The following AGRN variants were observed in gnomAD, a reference collection of about 807,000 sequenced individuals.
AGRN encodes the protein agrin proteoglycan.
Under a neutral mutation model 211.0 loss-of-function variants are expected in AGRN, and 106 were observed. The observed-to-expected ratio is 0.50, with a 90% CI of 0.43 to 0.59. The LOEUF (loss-of-function observed/expected upper bound fraction) is 0.59. AGRN is among the 20% of genes least tolerant of loss of function. AGRN has a pLI of 0.00. For missense variants in AGRN, 3,040 were observed against 2,982.6 expected, an observed-to-expected ratio of 1.02 and a Z score of -0.45; for synonymous variants, 1,525 against 1,332.5, an observed-to-expected ratio of 1.14 and a Z score of -3.15.
At position 1,049,048 on chromosome 1, in the gene AGRN, C is replaced by A. The variant is rs540390242; in HGVS notation, c.4287C>A (p.Arg1429=). ...DFLALALLDG[R]VQLRFDTGSG... ...TGGCATTGGCGCTGCTAGATGGCCG[C>A]GTGCAGCTCAGGTGGGCGGGGAGGG... Residue 1429 remains arginine (R), a synonymous_variant, in exon 24 of 36, where the codon CGC becomes CGA. Transcript: ENST00000379370. 4.5e-6 allele frequency: 7 copies of A among 1,544,348 alleles called. No individual in the cohort carries two copies. In the African/African-American group the frequency reaches 7.5e-5, roughly 16 times the overall value.
chr1:1,054,522 A>G lies in AGRN; in HGVS notation c.5951A>G (p.Gln1984Arg). Residue 1984 changes from glutamine (Q) to arginine (R), a missense_variant, in exon 35 of 36, where the codon CAG (glutamine) becomes CGG (arginine). Gln to Arg is a conservative substitution (Grantham distance 43, BLOSUM62 1). Transcript: ENST00000379370. ...VTGSSPLGAT[Q>R]LDTDGALWLG... ...GGCTCCTCCCCGCTGGGCGCCACGC[A>G]GCTGGACACTGATGGAGCCCTGTGG... 6.2e-7 allele frequency: 1 copy of G among 1,602,628 alleles called. No individual in the cohort carries two copies. The highest frequency in any genetic ancestry group is 8.5e-7 in the Non-Finnish European group (1 of 1,175,744).
chr1:1,051,055 C>T (rs1174653221), intron 30 of AGRN, 198 bp from the exon 31 acceptor site: 13 of 1,548,920 alleles, frequency 8.4e-6, no homozygotes, highest in South Asian at 2.4e-5. Flanking sequence ...TACTGTCGGC[C>T]TCTCATCCGC....
At position 1,051,574 on chromosome 1, in the gene AGRN, C is replaced by T. The variant is rs778694406; in HGVS notation, c.5492C>T (p.Ser1831Phe). ...GGCCACCCCTGCCTCAATGGGGCCT[C>T]CTGCGTCCCGAGGGAGGCTGCCTAT... The part of the protein sequence containing the change: ...ASGHPCLNGA[S>F]CVPREAAYVC... Residue 1831 changes from serine (S) to phenylalanine (F), a missense_variant, in exon 32 of 36, where the codon TCC becomes TTC. Physicochemically the swap from Ser to Phe is radical, Grantham distance 155 (BLOSUM62 -2). Transcript: ENST00000379370. The T allele has an allele frequency of 3.1e-6, 5 of 1,595,676 alleles. No individual in the cohort carries two copies. The African/African-American group carries it at 4.0e-5, about 13-fold the overall frequency.
At chr1:1,040,529 C>T (rs1035368254) in intron 3 of AGRN, 136 bp from the exon 4 acceptor site, 1 of 1,067,728 alleles carries the variant, frequency 9.4e-7, no homozygotes, top group Non-Finnish European at 1.4e-6. Flanking sequence ...CACGCGTGTC[C>T]GTGTCCGTGG....
intron 19 of AGRN, 104 bp from the exon 20 acceptor site, chr1:1,047,223 C>A: frequency 6.6e-7 from 1 of 1,508,116 alleles, no homozygotes; most frequent in Non-Finnish European, 8.9e-7. Flanking sequence ...TGACTAACAT[C>A]CACCTTCCCT....
At chr1:1,044,475 G>T (rs760920802) in intron 12 of AGRN, 36 bp downstream of exon 12, 2 of 1,572,836 alleles carry the variant, frequency 1.3e-6, no homozygotes, top group Middle Eastern at 1.8e-4. Flanking sequence ...AGGCACAGGC[G>T]GGGCGGCGTC....
intron 3 of AGRN, among the ~76,000 whole-genome samples, chr1:1,036,404 C>T (rs926895736): frequency 3.9e-5 from 6 of 152,070 alleles, no homozygotes; most frequent in African/African-American, 9.7e-5. Flanking sequence ...ACCTGGGAAC[C>T]GGAGCTGGAT....
In AGRN at chr1:1,047,790, G is replaced by A. The variant is rs1476088193; in HGVS notation, c.3646G>A (p.Ala1216Thr). The A allele has an allele frequency of 5.0e-6, 8 of 1,606,070 alleles. No homozygotes were observed. Among genetic ancestry groups the A allele is most frequent in the Non-Finnish European group, 5.1e-6 (6 of 1,176,910 alleles). ...VHFDPTTAFR[A>T]PDVARALLRQ... is the part of the protein sequence containing the mutation. The stretch of plus-strand genomic sequence containing the variant: ...CTCCTCCCCAGCCACAGCCTTCAGG[G>A]CACCCGACGTGGCCCGGGCCCTGCT... The change falls in exon 22 of 36, where the codon GCA (alanine) becomes ACA (threonine). Residue 1216 changes from alanine to threonine, a missense_variant. This residue lies in a region of AGRN where 1,537 missense variants were observed against 1,505.0 expected (regional missense o/e 1.02). Transcript: ENST00000379370.
intron 3 of AGRN, 75 bp from the exon 4 acceptor site, chr1:1,040,590 G>A (rs1570189355): frequency 1.6e-5 from 24 of 1,512,032 alleles, no homozygotes; most frequent in Middle Eastern, 2.3e-4. Flanking sequence ...CTGCGAGCAC[G>A]GCAAGGTCTC....
Position 1,040,829 on chromosome 1 carries a change from G to A in AGRN, c.676G>A (p.Ala226Thr), listed in dbSNP as rs1449784681. ...CAGCAACGAATGCGAGCTGCAGCGG[G>A]CGCAGTGCAGCCAGCAGCGCCGCAT... ...TYSNECELQR[A>T]QCSQQRRIRL... The change falls in exon 4 of 36, where the codon GCG (alanine) becomes ACG (threonine). Residue 226 changes from alanine to threonine, a missense_variant. Physicochemically the swap from Ala to Thr is moderately conservative, Grantham distance 58 (BLOSUM62 0). Around this residue, in one of 3 missense-constraint regions of AGRN, gnomAD observed 1,498 missense variants for 1,457.8 expected, o/e 1.03. Transcript: ENST00000379370. 2.6e-6 allele frequency: 4 copies of A among 1,536,310 alleles called. No homozygotes were observed. The highest frequency in any genetic ancestry group is 3.5e-6 in the Non-Finnish European group (4 of 1,147,326).
At position 1,042,133 on chromosome 1, in the gene AGRN, C is replaced by T; in HGVS notation, c.1355C>T (p.Ala452Val). The T allele has an allele frequency of 1.3e-6, 2 of 1,599,382 alleles. No homozygotes were observed. The highest frequency in any genetic ancestry group is 8.5e-7 in the Non-Finnish European group (1 of 1,177,700). Reference protein sequence around the residue: ...RQQAECRQQRAIPSKHQGPCD... With the variant: ...RQQAECRQQRVIPSKHQGPCD... ...CAGGCTGAGTGCCGGCAGCAGCGTG[C>T]CATCCCCAGCAAGCACCAGGGCCCG... Residue 452 changes from alanine to valine, a missense_variant, in exon 7 of 36, where the codon GCC becomes GTC. Transcript: ENST00000379370.
Position 1,041,270 on chromosome 1 carries a change from C to G in AGRN, c.825C>G (p.Thr275=), listed in dbSNP as rs2100633242. The G allele has an allele frequency of 6.6e-7, 1 of 1,506,554 alleles. No individual in the cohort carries two copies. Among genetic ancestry groups the G allele is most frequent in the Non-Finnish European group, 8.8e-7 (1 of 1,133,524 alleles). 93.3% of individuals were successfully genotyped at this position (1,506,554 alleles called of 1,614,324 possible). A position where few individuals can be genotyped will look rare whatever the true frequency, so the allele number is the denominator to read the frequency against. ...GLTASCLCPA[T]CRGAPEGTVC... is the part of the protein sequence containing the mutation. ...CGGCCTCGTGCCTGTGCCCCGCGACCTGCCGTGGCGCCCCCGAGGGGACCG... is the reference window on the plus strand; with the variant it reads ...CGGCCTCGTGCCTGTGCCCCGCGACGTGCCGTGGCGCCCCCGAGGGGACCG... Residue 275 remains threonine, a synonymous_variant, in exon 5 of 36, where the codon ACC becomes ACG. Transcript: ENST00000379370.
rs989897533 is a variant in AGRN, at chr1:1,035,076, G to A, written c.464-201G>A. On this transcript the variant is annotated intron_variant, in intron 2 of 35. Transcript: ENST00000379370. Reference sequence around the variant, plus strand: ...AGGCCATGACTATTTGGCTGGAGGGGCAGAGAAAAGCAGGGGCCTCTGTCT... The same window carrying A: ...AGGCCATGACTATTTGGCTGGAGGGACAGAGAAAAGCAGGGGCCTCTGTCT... The A allele has an allele frequency of 2.0e-5, 13 of 662,614 alleles. 1 individual carries two copies. The Middle Eastern group carries it at 4.5e-3, about 230-fold the overall frequency. 41.0% of individuals were successfully genotyped at this position (662,614 alleles called of 1,614,324 possible). A position where few individuals can be genotyped will look rare whatever the true frequency, so the allele number is the denominator to read the frequency against.
Position 1,041,397 on chromosome 1 carries a change from G to C in AGRN, c.952G>C (p.Asp318His). ...NVFKKFDGPC[D>H]PCQGALPDPS... ...CTTCAAGAAGTTCGACGGCCCTTGT[G>C]GTGAGCGCGGCGGCGGGCGCACGGC... The change falls in exon 5 of 36, where the codon GAC becomes CAC. Residue 318 changes from aspartate (D) to histidine (H), a missense_variant and splice_region_variant. Asp to His is a moderately conservative substitution (Grantham distance 81). Coordinates refer to ENST00000379370, the MANE Select transcript of AGRN (RefSeq NM_198576.4). 1 of 1,544,146 alleles carries C rather than the reference G, an allele frequency of 6.5e-7. No homozygotes were observed. Among genetic ancestry groups the C allele is most frequent in the Non-Finnish European group, 8.7e-7 (1 of 1,151,606 alleles).
intron 2 of AGRN, among the ~76,000 whole-genome samples, chr1:1,025,259 G>A (rs1001641879): frequency 5.3e-5 from 8 of 152,144 alleles, no homozygotes; most frequent in East Asian, 1.9e-4. Context: ...TCTGAAGCCC[G>A]GGGTCCCGGC....
At chr1:1,025,039 C>T (rs758863560) in intron 2 of AGRN, among the ~76,000 whole-genome samples, 16 of 152,138 alleles carry the variant, frequency 1.1e-4, no homozygotes, top group Non-Finnish European at 2.2e-4. Context: ...GCCCACCTCA[C>T]AAAGGCTGGT....
intron 33 of AGRN, chr1:1,053,013 G>A (rs966721598): frequency 3.2e-5 from 6 of 190,060 alleles, no homozygotes; most frequent in Admixed American, 1.7e-4. Flanking sequence ...TCGTGTACAC[G>A]TGTGTATGTG....
intron 2 of AGRN, among the ~76,000 whole-genome samples, chr1:1,028,511 G>A (rs1482726093): frequency 6.9e-6 from 1 of 145,498 alleles, no homozygotes; most frequent in Non-Finnish European, 1.5e-5. Flanking sequence ...CCTTTCCGAA[G>A]GAACCGAGCC....
Position 1,044,449 on chromosome 1 carries a change from C to G in AGRN, c.2254+10C>G. ...CAGGGAGCCTGCCGAGGTGAGCCGG[C>G]TGCACGTGGGGTCTCAGGCACAGGC... On this transcript the variant is annotated intron_variant, in intron 12 of 35. Coordinates refer to ENST00000379370, the MANE Select transcript of AGRN (RefSeq NM_198576.4). The G allele has an allele frequency of 6.2e-7, 1 of 1,600,822 alleles. No homozygotes were observed. The highest frequency in any genetic ancestry group is 8.5e-7 in the Non-Finnish European group (1 of 1,174,392).
Sources: allele counts gnomAD v4.1 joint callset (sites outside exome capture counted in the v4.1 genomes callset), GRCh38; gene constraint gnomAD v4.1.1; regional missense constraint gnomAD v4.1.1; transcripts MANE v1.5; gene names NCBI Gene and HGNC (gene_info 2026-07-23, HGNC 2026-07-21).